Variants in DOK6 observed in about 807,000 individuals in gnomAD.
DOK6 encodes docking protein 6.
DOK6 carries 22 observed loss-of-function variants against 44.0 expected under a neutral mutation model. The observed-to-expected ratio is 0.50, with a 90% CI of 0.36 to 0.71. The LOEUF is 0.71. DOK6 is among the 30% of genes least tolerant of loss of function. The pLI, the probability that DOK6 is intolerant of heterozygous loss-of-function variation, is 0.00. For synonymous variants in DOK6, 166 were observed against 145.5 expected, an observed-to-expected ratio of 1.14 and a Z score of -1.01; for missense variants, 340 against 416.4, an observed-to-expected ratio of 0.82 and a Z score of 1.60.
intron 5 of DOK6, chr18:69,724,988 AC>A (rs1301050924): frequency 1.3e-5 from 2 of 152,184 alleles, no homozygotes; most frequent in African/African-American, 4.8e-5. Context: ...ATCTGAAATT[AC>A]CCTTTCCAGA....
intron 1 of DOK6, among the ~76,000 whole-genome samples, chr18:69,509,467 C>G (rs1306468111): frequency 6.6e-6 from 1 of 151,874 alleles, no homozygotes; most frequent in Non-Finnish European, 1.5e-5. Flanking sequence ...GAAACCCCGT[C>G]TCTACTAAAA....
At chr18:69,828,884 G>GTGTGTATATATATATATATATATATA (rs1555673465) in intron 7 of DOK6, among the ~76,000 whole-genome samples, 2 of 90,172 alleles carry the variant, frequency 2.2e-5, no homozygotes, top group African/African-American at 6.2e-5. Context: ...ACATTTATGT[G>GTGTGTATATATATATATATATATATA]TATATATATA....
chr18:69,422,461 C>A (rs1467774571), intron 1 of DOK6, among the ~76,000 whole-genome samples: 1 of 152,170 alleles, frequency 6.6e-6, no homozygotes, highest in African/African-American at 2.4e-5. Context: ...CCTCCTGAAC[C>A]AGCTACTCTA....
rs187902882 is a variant in DOK6 at position 69,529,632 on chromosome 18, T to G, written c.67-34855T>G. On this transcript the variant is annotated intron_variant, in intron 1 of 7. Transcript: ENST00000382713. ...CCTGCACTGAATGCCTACTATATTTTCTTCCTTTAAATCTTTGCTCAAGTT... is the reference window on the plus strand; with the variant it reads ...CCTGCACTGAATGCCTACTATATTTGCTTCCTTTAAATCTTTGCTCAAGTT... 2.0e-4 allele frequency among the ~76,000 whole-genome samples: 30 copies of G among 152,320 alleles called. No homozygotes were observed. In the East Asian group the frequency reaches 2.1e-3, roughly 11 times the overall value.
At chr18:69,809,112 G>A (rs1449898514) in intron 7 of DOK6, among the ~76,000 whole-genome samples, 1 of 151,932 alleles carries the variant, frequency 6.6e-6, no homozygotes, top group African/African-American at 2.4e-5. Context: ...ATTTATCCCA[G>A]GGATTCAAGG....
intron 1 of DOK6, among the ~76,000 whole-genome samples, chr18:69,470,940 T>C (rs1213458289): frequency 6.6e-6 from 1 of 152,060 alleles, no homozygotes; most frequent in Non-Finnish European, 1.5e-5. Flanking sequence ...AGATAAATGC[T>C]GTAGAAGGAT....
At chr18:69,647,477 C>G (rs547991951) in intron 3 of DOK6, 1 of 152,022 alleles carries the variant, frequency 6.6e-6, no homozygotes, top group Non-Finnish European at 1.5e-5. Context: ...GTAGGTGACC[C>G]CTTAAGTCCA....
At chr18:69,523,683 T>C (rs1981750186) in intron 1 of DOK6, among the ~76,000 whole-genome samples, 1 of 152,048 alleles carries the variant, frequency 6.6e-6, no homozygotes, top group Non-Finnish European at 1.5e-5. Flanking sequence ...TGGAAGTTTT[T>C]TTCTTGTCTC....
At chr18:69,688,368 G>C (rs549543343) in intron 4 of DOK6, among the ~76,000 whole-genome samples, 1 of 152,132 alleles carries the variant, frequency 6.6e-6, no homozygotes, top group African/African-American at 2.4e-5. Flanking sequence ...AGACCAACAC[G>C]AGCCAAATAA....
At chr18:69,535,376 A>T (rs1300600101) in intron 1 of DOK6, among the ~76,000 whole-genome samples, 1 of 151,940 alleles carries the variant, frequency 6.6e-6, no homozygotes, top group Non-Finnish European at 1.5e-5. Flanking sequence ...CTGCATATTC[A>T]TGTTACGGTT....
intron 3 of DOK6, 149 bp downstream of exon 3, chr18:69,599,647 G>C: frequency 1.6e-6 from 1 of 626,612 alleles, no homozygotes; most frequent in Non-Finnish European, 2.7e-6. Context: ...TCAACGTATT[G>C]ATTTCTACAG....
intron 1 of DOK6, among the ~76,000 whole-genome samples, chr18:69,485,874 CGT>C (rs1356001846): frequency 0.019 from 1,742 of 90,402 alleles, 36 homozygotes; most frequent in African/African-American, 0.066. Context: ...ATATAGTATA[CGT>C]ATATATGTGT....
intron 1 of DOK6, among the ~76,000 whole-genome samples, chr18:69,419,589 C>T (rs901675797): frequency 2.6e-5 from 4 of 152,128 alleles, no homozygotes; most frequent in African/African-American, 9.7e-5. Context: ...CAGTTAGAAT[C>T]TGTAATGTAT....
chr18:69,470,177 G>GC (rs1980055269), intron 1 of DOK6: 1 of 152,368 alleles, frequency 6.6e-6, no homozygotes, highest in Admixed American at 6.5e-5. Context: ...TGTAGGTCTG[G>GC]CCCCAAGTCC....
intron 3 of DOK6, among the ~76,000 whole-genome samples, chr18:69,640,987 C>T (rs967734325): frequency 4.6e-5 from 7 of 151,784 alleles, no homozygotes; most frequent in Non-Finnish European, 7.4e-5. Context: ...CTGAGGTGGG[C>T]GGGATCACGA....
At chr18:69,555,110 T>C (rs371696089) in intron 1 of DOK6, among the ~76,000 whole-genome samples, 1 of 152,196 alleles carries the variant, frequency 6.6e-6, no homozygotes, top group Admixed American at 6.5e-5. Flanking sequence ...TGTAAAAATT[T>C]ATATTCTTAT....
intron 6 of DOK6, among the ~76,000 whole-genome samples, chr18:69,755,110 C>A (rs1040319118): frequency 6.6e-6 from 1 of 152,062 alleles, no homozygotes; most frequent in Non-Finnish European, 1.5e-5. Flanking sequence ...AATAGAATAT[C>A]ATTAAAAGCA....
chr18:69,536,940 C>T (rs1284554569), intron 1 of DOK6, among the ~76,000 whole-genome samples: 1 of 150,534 alleles, frequency 6.6e-6, no homozygotes, highest in Non-Finnish European at 1.5e-5. Context: ...CATACAGACA[C>T]AAGAATGTTC....
intron 5 of DOK6, chr18:69,721,550 T>C (rs1375820293): frequency 1.3e-5 from 2 of 152,252 alleles, no homozygotes; most frequent in Admixed American, 6.5e-5. Context: ...TCAATCACAT[T>C]GTGCTATTGT....
Sources: allele counts gnomAD v4.1 joint callset (sites outside exome capture counted in the v4.1 genomes callset), GRCh38; gene constraint gnomAD v4.1.1; transcripts MANE v1.5; gene names NCBI Gene and HGNC (gene_info 2026-07-23, HGNC 2026-07-21).